ULK4: variants seen among roughly 807,000 people sequenced by gnomAD.
ULK4 encodes the protein inactive serine/threonine-protein kinase ULK4.
ULK4 carries 133 observed loss-of-function variants against 160.6 expected under a neutral mutation model. The observed-to-expected ratio is 0.83, with a 90% CI of 0.72 to 0.96. ULK4 has a LOEUF of 0.96. Among genes scored for constraint, ULK4 ranks in the 40% least tolerant of loss-of-function variants. The pLI is 0.00. For missense variants in ULK4, 1,580 were observed against 1,499.5 expected, an observed-to-expected ratio of 1.05 and a Z score of -0.89; for synonymous variants, 534 against 539.8, an observed-to-expected ratio of 0.99 and a Z score of 0.15.
At chr3:41,657,834 A>AAAAAAAAAAAAAAAAAC (rs1553628520) in intron 30 of ULK4, among the ~76,000 whole-genome samples, 30 of 150,074 alleles carry the variant, frequency 2.0e-4, no homozygotes, top group African/African-American at 6.2e-4. Flanking sequence ...AAAAAAAAAA[A>AAAAAAAAAAAAAAAAAC]ACACACACCA....
intron 35 of ULK4, among the ~76,000 whole-genome samples, chr3:41,373,620 G>A (rs557384289): frequency 2.0e-5 from 3 of 152,278 alleles, no homozygotes; most frequent in African/African-American, 7.2e-5. Context: ...CAGAATCTCT[G>A]GGACACTGCT....
At chr3:41,474,966 T>C (rs1488695255) in intron 32 of ULK4, among the ~76,000 whole-genome samples, 1 of 152,140 alleles carries the variant, frequency 6.6e-6, no homozygotes. Flanking sequence ...AATTACCATA[T>C]GATCCAGAAA....
intron 35 of ULK4, among the ~76,000 whole-genome samples, chr3:41,266,395 C>T (rs1460745483): frequency 6.6e-6 from 1 of 152,210 alleles, no homozygotes; most frequent in African/African-American, 2.4e-5. Context: ...ACTCTGCTTA[C>T]ACATTTTTTT....
At chr3:41,666,078 A>G (rs1273398524) in intron 29 of ULK4, among the ~76,000 whole-genome samples, 1 of 152,208 alleles carries the variant, frequency 6.6e-6, no homozygotes, top group Non-Finnish European at 1.5e-5. Context: ...CCCAGTAGCA[A>G]TGTGTGGCAA....
chr3:41,901,041 T>A (rs1698333325), intron 12 of ULK4, among the ~76,000 whole-genome samples: 1 of 147,970 alleles, frequency 6.8e-6, no homozygotes, highest in Non-Finnish European at 1.5e-5. Context: ...GATAAAAATA[T>A]AAAACTCTGA....
intron 34 of ULK4, among the ~76,000 whole-genome samples, chr3:41,409,835 G>A (rs1237488491): frequency 1.3e-5 from 2 of 151,960 alleles, no homozygotes; most frequent in East Asian, 3.9e-4. Context: ...TGTAGTCCCA[G>A]CTACTTGTGA....
chr3:41,397,953 G>T, intron 35 of ULK4, 126 bp downstream of exon 35: 1 of 1,000,694 alleles, frequency 1.0e-6, no homozygotes, highest in Non-Finnish European at 1.5e-6. Context: ...AAGGTGACTG[G>T]GAGTTCTTGA....
chr3:41,540,983 C>T (rs1575383899), intron 32 of ULK4, among the ~76,000 whole-genome samples: 1 of 152,134 alleles, frequency 6.6e-6, no homozygotes, highest in African/African-American at 2.4e-5. Context: ...TGTAGGTTGC[C>T]TGTTCACTCT....
At chr3:41,251,716 C>T (rs2078746339) in intron 35 of ULK4, among the ~76,000 whole-genome samples, 1 of 152,196 alleles carries the variant, frequency 6.6e-6, no homozygotes. Context: ...ACAGAGGTGG[C>T]AGCAACAATA....
intron 32 of ULK4, among the ~76,000 whole-genome samples, chr3:41,544,495 A>T (rs1453148331): frequency 6.6e-6 from 1 of 152,352 alleles, no homozygotes; most frequent in South Asian, 2.1e-4. Flanking sequence ...GTATAGCCCT[A>T]TGCATGCACA....
intron 27 of ULK4, among the ~76,000 whole-genome samples, chr3:41,683,749 C>T (rs1324563405): frequency 2.6e-5 from 4 of 152,054 alleles, no homozygotes; most frequent in Non-Finnish European, 5.9e-5. Context: ...TCAATAGACA[C>T]CCACGCAGCA....
intron 35 of ULK4, among the ~76,000 whole-genome samples, chr3:41,320,443 T>C (rs2080224709): frequency 6.6e-6 from 1 of 152,174 alleles, no homozygotes; most frequent in Non-Finnish European, 1.5e-5. Flanking sequence ...CCGGAGAGCC[T>C]AATAAGTCTA....
rs893709805 is a variant in ULK4 at position 41,612,847 on chromosome 3, A to G, written c.3120+2822T>C. Among the ~76,000 whole-genome samples the G allele has an allele frequency of 4.6e-5, 7 of 152,302 alleles. No homozygotes were observed. In the South Asian group the frequency reaches 1.4e-3, roughly 32 times the overall value. On this transcript the variant is annotated intron_variant, in intron 31 of 36. Coordinates refer to ENST00000301831, the MANE Select transcript of ULK4 (RefSeq NM_017886.4). Reference sequence around the variant, plus strand: ...TTTCTTAATGGAAGACATCTAGGAGAGGAGCACATCATAGAAGAAACTCTA... The same window carrying G: ...TTTCTTAATGGAAGACATCTAGGAGGGGAGCACATCATAGAAGAAACTCTA...
At chr3:41,357,490 A>C (rs1423849246) in intron 35 of ULK4, among the ~76,000 whole-genome samples, 5 of 152,166 alleles carry the variant, frequency 3.3e-5, no homozygotes, top group African/African-American at 1.2e-4. Flanking sequence ...TATAGATTGC[A>C]TGTGGTCTGC....
At chr3:41,858,157 T>G (rs1303032464) in intron 17 of ULK4, among the ~76,000 whole-genome samples, 106 of 143,430 alleles carry the variant, frequency 7.4e-4, no homozygotes, top group African/African-American at 2.6e-3. Flanking sequence ...GTTTTTTTTT[T>G]TTTTTTTTTT....
chr3:41,826,644 C>A (rs2041366518), intron 18 of ULK4, among the ~76,000 whole-genome samples: 1 of 147,504 alleles, frequency 6.8e-6, no homozygotes, highest in African/African-American at 2.6e-5. Flanking sequence ...TACAGGAGCA[C>A]CCAGATTCAT....
intron 21 of ULK4, among the ~76,000 whole-genome samples, chr3:41,773,651 G>A (rs532292084): frequency 2.0e-5 from 3 of 151,706 alleles, no homozygotes; most frequent in Non-Finnish European, 4.4e-5. Context: ...ACTGCCCAAG[G>A]TAATTTATAA....
chr3:41,643,771 A>C (rs2034349599), intron 30 of ULK4, among the ~76,000 whole-genome samples: 1 of 152,108 alleles, frequency 6.6e-6, no homozygotes, highest in South Asian at 2.1e-4. Context: ...GAATCTATAA[A>C]TTACCTTGGG....
chr3:41,621,159 GA>G (rs2033229280), intron 30 of ULK4, among the ~76,000 whole-genome samples: 2 of 152,116 alleles, frequency 1.3e-5, no homozygotes, highest in African/African-American at 4.8e-5. Context: ...TGGATAGGAA[GA>G]ATCAATATCA....
Sources: allele counts gnomAD v4.1 joint callset (sites outside exome capture counted in the v4.1 genomes callset), GRCh38; gene constraint gnomAD v4.1.1; transcripts MANE v1.5; gene names NCBI Gene and HGNC (gene_info 2026-07-23, HGNC 2026-07-21).